The following XYLT1 variants were observed in gnomAD, a reference collection of about 807,000 sequenced individuals.
XYLT1 encodes the protein xylosyltransferase 1.
Under a neutral mutation model 91.3 loss-of-function variants are expected in XYLT1, and 36 were observed. The ratio of observed to expected loss-of-function variants is 0.39; its 90% CI spans 0.30 to 0.52. The LOEUF (loss-of-function observed/expected upper bound fraction) is 0.52. XYLT1 is among the 20% of genes least tolerant of loss of function. XYLT1 has a pLI of 0.68. For missense variants in XYLT1, 1,242 were observed against 1,284.5 expected, an observed-to-expected ratio of 0.97 and a Z score of 0.51; for synonymous variants, 588 against 532.0, an observed-to-expected ratio of 1.11 and a Z score of -1.45.
intron 1 of XYLT1, among the ~76,000 whole-genome samples, chr16:17,388,126 C>T (rs956161556): frequency 1.3e-5 from 2 of 152,198 alleles, no homozygotes; most frequent in African/African-American, 4.8e-5. Flanking sequence ...CATTAGCCTA[C>T]AATTAGGCAA....
At chr16:17,223,781 T>TTA (rs2033014680) in intron 3 of XYLT1, among the ~76,000 whole-genome samples, 1 of 152,228 alleles carries the variant, frequency 6.6e-6, no homozygotes, top group Admixed American at 6.5e-5. Flanking sequence ...AAAATTTGAC[T>TTA]TACAAAACAG....
rs570405789 is a variant in XYLT1 at position 17,384,945 on chromosome 16, C to T, written c.364-26895G>A. Among the ~76,000 whole-genome samples, 72 of 151,738 alleles carry T rather than the reference C, an allele frequency of 4.7e-4. 3 individuals are homozygous for T. In the South Asian group the frequency reaches 0.014, roughly 29 times the overall value. On this transcript the variant is annotated intron_variant, in intron 1 of 11. Coordinates refer to ENST00000261381, the MANE Select transcript of XYLT1 (RefSeq NM_022166.4). ...AAAAAATCAATCGCTGGTGGAAGCACTTCTCAATCTACACCTGACAGAGGG... is the reference window on the plus strand; with the variant it reads ...AAAAAATCAATCGCTGGTGGAAGCATTTCTCAATCTACACCTGACAGAGGG...
intron 6 of XYLT1, among the ~76,000 whole-genome samples, chr16:17,157,287 CT>C (rs1313420883): frequency 6.6e-6 from 1 of 152,128 alleles, no homozygotes; most frequent in East Asian, 1.9e-4. Context: ...GAGCTACCTG[CT>C]TGCTTTTGTT....
intron 5 of XYLT1, among the ~76,000 whole-genome samples, chr16:17,186,510 G>A (rs377299032): frequency 1.5e-5 from 2 of 134,260 alleles, no homozygotes; most frequent in East Asian, 2.1e-4. Flanking sequence ...TTGCTTTGTT[G>A]CCCAAGCTGG....
intron 2 of XYLT1, among the ~76,000 whole-genome samples, chr16:17,318,049 A>C (rs977760803): frequency 9.2e-5 from 14 of 152,210 alleles, no homozygotes; most frequent in Non-Finnish European, 1.9e-4. Flanking sequence ...ACTTGTTTGA[A>C]GCGTTCTTAT....
chr16:17,141,889 A>G (rs1339332150), intron 6 of XYLT1, among the ~76,000 whole-genome samples: 1 of 152,216 alleles, frequency 6.6e-6, no homozygotes, highest in Non-Finnish European at 1.5e-5. Context: ...CATTATATAC[A>G]GGATTACAAC....
chr16:17,115,046 G>A lies in XYLT1; in HGVS notation c.2557+2600C>T, dbSNP rs553509698. Among the ~76,000 whole-genome samples, 1,163 of 152,138 alleles carry A rather than the reference G, an allele frequency of 7.6e-3. 16 individuals are homozygous for A. Among genetic ancestry groups the A allele is most frequent in the African/African-American group, 0.027 (1,116 of 41,498 alleles). ...TTTTTAGTAGAGACAGGGTTTCACT[G>A]TGTTAGCCAGGATGGTCTCGATCTC... On this transcript the variant is annotated intron_variant, in intron 11 of 11. Coordinates refer to ENST00000261381, the MANE Select transcript of XYLT1 (RefSeq NM_022166.4).
At chr16:17,151,956 A>G (rs1216563251) in intron 6 of XYLT1, among the ~76,000 whole-genome samples, 2 of 152,232 alleles carry the variant, frequency 1.3e-5, no homozygotes, top group African/African-American at 4.8e-5. Context: ...GGTGGCTCAC[A>G]TTCTTCACAG....
At chr16:17,112,252 G>A (rs546786660) in intron 11 of XYLT1, among the ~76,000 whole-genome samples, 3 of 152,196 alleles carry the variant, frequency 2.0e-5, no homozygotes, top group African/African-American at 4.8e-5. Context: ...TACCAGGGAC[G>A]CATCAATAGA....
intron 1 of XYLT1, among the ~76,000 whole-genome samples, chr16:17,433,847 G>C (rs1287573019): frequency 1.3e-5 from 2 of 152,128 alleles, no homozygotes; most frequent in Non-Finnish European, 2.9e-5. Flanking sequence ...TAAGATACTG[G>C]AGAATACAGT....
intron 1 of XYLT1, among the ~76,000 whole-genome samples, chr16:17,359,022 C>T (rs1382478125): frequency 6.6e-6 from 1 of 152,060 alleles, no homozygotes; most frequent in African/African-American, 2.4e-5. Context: ...GGAGGAGAGA[C>T]AGGGAGGGTA....
chr16:17,423,278 T>C (rs924168178), intron 1 of XYLT1, among the ~76,000 whole-genome samples: 2 of 148,734 alleles, frequency 1.3e-5, no homozygotes, highest in African/African-American at 5.2e-5. Flanking sequence ...TGATGTTTCA[T>C]CTCATGTGAA....
At chr16:17,459,315 T>C (rs1010978118) in intron 1 of XYLT1, among the ~76,000 whole-genome samples, 1 of 152,202 alleles carries the variant, frequency 6.6e-6, no homozygotes, top group Non-Finnish European at 1.5e-5. Flanking sequence ...AAGGTTGCAG[T>C]GAGCTGAGAT....
chr16:17,233,512 C>T (rs1273081265), intron 3 of XYLT1, among the ~76,000 whole-genome samples: 3 of 152,262 alleles, frequency 2.0e-5, no homozygotes, highest in Non-Finnish European at 4.4e-5. Flanking sequence ...AAGCGGCCTG[C>T]AGACGCGCCC....
rs1303290183 is a variant in XYLT1 at position 17,105,299 on chromosome 16, T to C, written c.*3396A>G. The C allele has an allele frequency of 6.6e-6, 1 of 152,172 alleles. No individual in the cohort carries two copies. Among genetic ancestry groups the C allele is most frequent in the Non-Finnish European group, 1.5e-5 (1 of 68,012 alleles). The allele number at this position is 152,172 out of a possible 1,614,324, so 9.4% of individuals were successfully genotyped here. The stretch of plus-strand genomic sequence containing the variant: ...GTGCCCAGAGTAGAAGCAATTGCAG[T>C]GAGTGAGAGATGGGGGCAGGTCCTG... On this transcript the variant is annotated 3_prime_UTR_variant, in exon 12 of 12. Transcript: ENST00000261381.
chr16:17,176,776 A>C (rs16968559), intron 5 of XYLT1, among the ~76,000 whole-genome samples: 7,146 of 152,262 alleles, frequency 0.047, 230 homozygotes, highest in Non-Finnish European at 0.045. Context: ...CATATCTACT[A>C]GCAAAAAATA....
chr16:17,168,609 TA>T (rs992532564), intron 5 of XYLT1, among the ~76,000 whole-genome samples: 9 of 152,002 alleles, frequency 5.9e-5, no homozygotes, highest in African/African-American at 2.2e-4. Flanking sequence ...CTTTTTTTTT[TA>T]AAGTTTAAAA....
chr16:17,114,352 C>CAGA (rs1451397406), intron 11 of XYLT1, among the ~76,000 whole-genome samples: 4 of 152,184 alleles, frequency 2.6e-5, no homozygotes, highest in African/African-American at 7.2e-5. Flanking sequence ...GATTAGCGGG[C>CAGA]AGAAGGGGGT....
chr16:17,427,699 C>G (rs2036337104), intron 1 of XYLT1, among the ~76,000 whole-genome samples: 1 of 152,218 alleles, frequency 6.6e-6, no homozygotes, highest in Non-Finnish European at 1.5e-5. Flanking sequence ...CCTACCCACA[C>G]TCTTTTTTGT....
Sources: gnomAD v4.1 joint callset for allele counts (sites outside exome capture counted in the v4.1 genomes callset) on GRCh38, gnomAD v4.1.1 for gene constraint, MANE v1.5 for transcripts, NCBI Gene and HGNC (gene_info 2026-07-23, HGNC 2026-07-21) for gene names.